Variants in DELE1 observed in about 807,000 individuals in gnomAD.
The protein encoded by DELE1 is DAP3 binding cell death enhancer 1.
A neutral mutation model predicts 59.3 loss-of-function variants in DELE1; 54 were observed. The ratio of observed to expected loss-of-function variants is 0.91; its 90% confidence interval spans 0.73 to 1.14. The LOEUF (loss-of-function observed/expected upper bound fraction) is 1.14. Ranked by LOEUF, DELE1 falls within the 50% of genes most tolerant of loss-of-function variation. DELE1 has a pLI of 0.00. For missense variants in DELE1, 636 were observed against 643.9 expected (o/e 0.99, Z 0.13); for synonymous variants, 264 against 259.1 (o/e 1.02, Z -0.18).
rs547247448 is a variant in DELE1 at position 141,936,661 on chromosome 5, A to G, written c.1150-537A>G. ...TGTTGGGCAGACTGGTCTCCAACTC[A>G]TGACCTCGTGATCTGCCCACCTTGC... is the stretch of plus-strand genomic sequence containing the variant. On this transcript the variant is annotated intron_variant, in intron 10 of 11. Transcript: ENST00000432126. Among the ~76,000 whole-genome samples, 13 of 152,190 alleles carry G rather than the reference A, an allele frequency of 8.5e-5. No individual in the cohort carries two copies. The East Asian group carries it at 1.9e-3, about 23-fold the overall frequency.
chr5:141,934,971 A>G (rs542787523), intron 10 of DELE1: 1 of 215,698 alleles, frequency 4.6e-6, no homozygotes, highest in African/African-American at 2.3e-5. Flanking sequence ...AATCAGAATA[A>G]TAATGCTTGC....
chr5:141,929,587 C>T lies in DELE1; in HGVS notation c.418C>T (p.Arg140Ter), dbSNP rs114623503. Residue 140 changes from arginine to a stop codon, truncating the protein, a stop_gained, in exon 5 of 12, where the codon CGA (arginine) becomes TGA (stop). Transcript: ENST00000432126. LOFTEE classifies it high-confidence loss of function. Reference sequence around the variant, plus strand: ...CTCTTGCTGGCTCTTTCCAGCACTGCGACAACACATCCTCCCCAGCCCCGA... The same window carrying T: ...CTCTTGCTGGCTCTTTCCAGCACTGTGACAACACATCCTCCCCAGCCCCGA... ...SPLWHPCSSL[R>*]QHILPSPDGP... The T allele has an allele frequency of 1.5e-3, 2,459 of 1,613,408 alleles. 3 individuals carry two copies. Among genetic ancestry groups the T allele is most frequent in the Non-Finnish European group, 2.0e-3 (2,380 of 1,179,896 alleles).
In DELE1 at chr5:141,939,304, A is replaced by T; in HGVS notation, c.*545A>T. 1 of 726,884 alleles carries T rather than the reference A, an allele frequency of 1.4e-6. No homozygotes were observed. The highest frequency in any genetic ancestry group is 1.7e-6 in the Non-Finnish European group (1 of 594,232). 45.0% of individuals were successfully genotyped at this position (726,884 alleles called of 1,614,324 possible). A position where few individuals can be genotyped will look rare whatever the true frequency, so the allele number is the denominator to read the frequency against. On this transcript the variant is annotated 3_prime_UTR_variant, in exon 12 of 12. Transcript: ENST00000432126. The stretch of plus-strand genomic sequence containing the variant: ...TAGGATAAAGCTAACTGTAAAAAAA[A>T]ATAGTGAATCAGTTTAAAGAAAAAC...
rs183157028 is a variant in DELE1, at chr5:141,924,345, T to A, written c.32-236T>A. On this transcript the variant is annotated intron_variant, in intron 1 of 11. Transcript: ENST00000432126. ...GAGTATATGTATGAACGTTTGGTCA[T>A]CTTAGAACAGTGGTTGGCATCCACA... Among the ~76,000 whole-genome samples the A allele has an allele frequency of 5.9e-3, 895 of 152,294 alleles. 2 individuals are homozygous for A. The highest frequency in any genetic ancestry group is 0.027 in the Middle Eastern group (8 of 294).
At chr5:141,933,769 T>C (rs1015140186) in intron 8 of DELE1, 1 of 159,494 alleles carries the variant, frequency 6.3e-6, no homozygotes, top group Non-Finnish European at 1.4e-5. Flanking sequence ...GTTTCTTCAA[T>C]GGAAAACTGG....
chr5:141,940,333 T>G lies in DELE1; in HGVS notation c.*1574T>G, dbSNP rs1308511227. ...CTGAGTCAGTGCTAATGAGTCCAGT[T>G]ACTGAATTTGTGAATAGCTATTCCC... On this transcript the variant is annotated 3_prime_UTR_variant, in exon 12 of 12. Coordinates refer to ENST00000432126, the MANE Select transcript of DELE1 (RefSeq NM_014773.5). The G allele has an allele frequency of 5.5e-5, 54 of 985,304 alleles. No homozygotes were observed. Among genetic ancestry groups the G allele is most frequent in the Non-Finnish European group, 6.1e-5 (51 of 829,932 alleles). 61.0% of individuals were successfully genotyped at this position (985,304 alleles called of 1,614,324 possible). A position where few individuals can be genotyped will look rare whatever the true frequency, so the allele number is the denominator to read the frequency against.
Position 141,934,266 on chromosome 5 carries a change from C to T in DELE1, c.924C>T (p.Ala308=). 1.2e-6 allele frequency: 2 copies of T among 1,611,250 alleles called. No individual in the cohort carries two copies. Among genetic ancestry groups the T allele is most frequent in the Non-Finnish European group, 1.7e-6 (2 of 1,177,996 alleles). Residue 308 remains alanine, a synonymous_variant, in exon 9 of 12, where the codon GCC becomes GCT. Coordinates refer to ENST00000432126, the MANE Select transcript of DELE1 (RefSeq NM_014773.5). ...SKAVLYYQLA[A]SQGHSLAQYR... is the part of the protein sequence containing the mutation. Reference sequence around the variant, plus strand: ...CGGTCCTTTATTATCAGTTGGCTGCCAGCCAGGGCCACAGCCTGGCTCAGT... The same window carrying T: ...CGGTCCTTTATTATCAGTTGGCTGCTAGCCAGGGCCACAGCCTGGCTCAGT...
At chr5:141,930,343 A>G in intron 7 of DELE1, 69 bp downstream of exon 7, 3 of 1,106,318 alleles carry the variant, frequency 2.7e-6, no homozygotes, top group South Asian at 1.3e-5. Context: ...TAGCTCAGAT[A>G]TAGTCAAGAT....
chr5:141,938,303 C>A (rs945580297), intron 11 of DELE1, among the ~76,000 whole-genome samples: 1 of 152,136 alleles, frequency 6.6e-6, no homozygotes, highest in African/African-American at 2.4e-5. Flanking sequence ...AGGTATTGAA[C>A]AAATGGTAGC....
intron 5 of DELE1, 60 bp from the exon 6 acceptor site, chr5:141,929,929 G>A (rs1037216410): frequency 1.2e-4 from 192 of 1,561,428 alleles, no homozygotes; most frequent in African/African-American, 3.3e-4. Flanking sequence ...TGGGAGAGTC[G>A]GAGAAAAGAA....
intron 7 of DELE1, among the ~76,000 whole-genome samples, chr5:141,932,845 G>A (rs768129392): frequency 4.6e-5 from 7 of 151,958 alleles, no homozygotes; most frequent in Non-Finnish European, 7.4e-5. Context: ...CTGTAATCCC[G>A]ACACTTTGGG....
intron 10 of DELE1, chr5:141,936,897 G>A (rs1036551476): frequency 3.6e-5 from 35 of 985,286 alleles, no homozygotes; most frequent in Admixed American, 6.1e-5. Flanking sequence ...TAACTGGCCT[G>A]AGTGTTTCCT....
At chr5:141,928,418 G>T (rs1751604341) in intron 4 of DELE1, 120 bp downstream of exon 4, 1 of 1,216,976 alleles carries the variant, frequency 8.2e-7, no homozygotes, top group South Asian at 1.5e-5. Context: ...CCTATCTGAA[G>T]TCAGAGGAAG....
chr5:141,936,319 C>T (rs1230573335), intron 10 of DELE1, among the ~76,000 whole-genome samples: 1 of 152,194 alleles, frequency 6.6e-6, no homozygotes, highest in African/African-American at 2.4e-5. Flanking sequence ...TCTGGCTATG[C>T]AGCTGGACAC....
At chr5:141,935,964 T>C (rs1020674477) in intron 10 of DELE1, among the ~76,000 whole-genome samples, 1 of 152,200 alleles carries the variant, frequency 6.6e-6, no homozygotes, top group African/African-American at 2.4e-5. Context: ...GAGTCTGTCA[T>C]GTTTGTTGGA....
rs769685717 is a variant in DELE1, at chr5:141,930,057, C to T, written c.640C>T (p.Gln214Ter). 8 of 1,614,096 alleles carry T rather than the reference C, an allele frequency of 5.0e-6. No individual in the cohort carries two copies. Among genetic ancestry groups the T allele is most frequent in the African/African-American group, 1.3e-5 (1 of 74,926 alleles). ...IESEAKPAQP[Q>*]PTGEKEQDKS... The stretch of plus-strand genomic sequence containing the variant: ...GTCCGAGGCAAAACCAGCCCAGCCT[C>T]AGCCCACTGGTGAAAAGGTATTATC... Residue 214 changes from glutamine (Q) to a stop codon, truncating the protein, a stop_gained, in exon 6 of 12, where the codon CAG becomes TAG. Transcript: ENST00000432126. LOFTEE classifies it high-confidence loss of function.
At chr5:141,926,213 T>C (rs1366628261) in intron 3 of DELE1, among the ~76,000 whole-genome samples, 1 of 152,202 alleles carries the variant, frequency 6.6e-6, no homozygotes, top group Non-Finnish European at 1.5e-5. Flanking sequence ...GTATTATACA[T>C]GCATTATCTT....
intron 7 of DELE1, 115 bp downstream of exon 7, chr5:141,930,389 C>A: frequency 2.7e-6 from 2 of 745,416 alleles, no homozygotes; most frequent in East Asian, 2.6e-5. Flanking sequence ...TATTTTCTCC[C>A]AGGTAGGTAG....
chr5:141,935,301 G>A (rs1752267743), intron 10 of DELE1, among the ~76,000 whole-genome samples: 1 of 152,190 alleles, frequency 6.6e-6, no homozygotes, highest in South Asian at 2.1e-4. Flanking sequence ...ATGGGTTTGG[G>A]AAATACTGAG....
Sources: allele counts gnomAD v4.1 joint callset (sites outside exome capture counted in the v4.1 genomes callset), GRCh38; gene constraint gnomAD v4.1.1; transcripts MANE v1.5; gene names NCBI Gene and HGNC (gene_info 2026-07-23, HGNC 2026-07-21).